Variants in OPTN observed in about 807,000 individuals in gnomAD.
The protein encoded by OPTN is optineurin.
In OPTN, 54 loss-of-function variants were observed where a neutral mutation model predicts 70.4. The ratio of observed to expected loss-of-function variants is 0.77; its 90% confidence interval spans 0.62 to 0.96. The LOEUF (loss-of-function observed/expected upper bound fraction) is 0.96, where lower values mean the gene tolerates loss of function less well. Among genes scored for constraint, OPTN ranks in the 40% least tolerant of loss-of-function variants. OPTN has a pLI of 0.00. For missense variants in OPTN, 624 were observed against 673.2 expected (o/e 0.93, Z 0.81); for synonymous variants, 256 against 248.5 (o/e 1.03, Z -0.28).
At position 13,117,602 on chromosome 10, in the gene OPTN, C is replaced by T. The variant is rs556831053; in HGVS notation, c.626+1262C>T. 2.1e-3 allele frequency among the ~76,000 whole-genome samples: 316 copies of T among 151,986 alleles called. 3 individuals are homozygous for T. The highest frequency in any genetic ancestry group is 1.5e-3 in the Non-Finnish European group (103 of 67,980). On this transcript the variant is annotated intron_variant, in intron 6 of 14. Transcript: ENST00000378747. ...CTGGGAATACAGGTGGCCGCCACCA[C>T]GCCCAGCTAACTTTTTGTGTTTTTA...
chr10:13,122,603 T>TA lies in OPTN; in HGVS notation c.882+117dup. The TA allele has an allele frequency of 5.4e-6, 4 of 741,824 alleles. No homozygotes were observed. In the South Asian group the frequency reaches 5.8e-5, roughly 11 times the overall value. The allele number at this position is 741,824 out of a possible 1,614,324, so 46.0% of individuals were successfully genotyped here. ...TTTAGAAATATAGAAATCATGTTGATATTGAATATTATCTATCTATTCCTT... is the reference window on the plus strand; with the variant it reads ...TTTAGAAATATAGAAATCATGTTGATAATTGAATATTATCTATCTATTCCTT... On this transcript the variant is annotated intron_variant, in intron 8 of 14. Transcript: ENST00000378747.
At chr10:13,109,617 G>T in intron 3 of OPTN, 1 of 298,768 alleles carries the variant, frequency 3.3e-6, no homozygotes, top group Non-Finnish European at 6.4e-6. Context: ...CTTGAGTACA[G>T]GAGTTCAAGA....
intron 1 of OPTN, among the ~76,000 whole-genome samples, chr10:13,103,534 T>A (rs1024819849): frequency 6.6e-6 from 1 of 152,328 alleles, no homozygotes; most frequent in Non-Finnish European, 1.5e-5. Flanking sequence ...CTAAGGTCAC[T>A]GCACTCGTGC....
Position 13,124,036 on chromosome 10 carries a change from T to G in OPTN, c.924T>G (p.Ser308=), listed in dbSNP as rs779638416. The G allele has an allele frequency of 1.4e-5, 23 of 1,613,860 alleles. No homozygotes were observed. In the South Asian group the frequency reaches 2.4e-4, roughly 17 times the overall value. The change falls in exon 9 of 15, where the codon TCT becomes TCG. Residue 308 remains serine (S), a synonymous_variant. Transcript: ENST00000378747. ...EVEALNLQVT[S]LFKELQEAHT... ...AAGCACTGAACCTCCAGGTGACATCTCTGTTTAAGGAGCTTCAAGAGGCTC... is the reference window on the plus strand; with the variant it reads ...AAGCACTGAACCTCCAGGTGACATCGCTGTTTAAGGAGCTTCAAGAGGCTC...
intron 9 of OPTN, 152 bp from the exon 10 acceptor site, chr10:13,125,266 G>A (rs1367192292): frequency 1.2e-6 from 1 of 804,994 alleles, no homozygotes; most frequent in East Asian, 2.7e-5. Flanking sequence ...CAGGTCTAGT[G>A]AAGAAGCAAG....
intron 12 of OPTN, among the ~76,000 whole-genome samples, chr10:13,128,127 G>C (rs1278596267): frequency 6.6e-6 from 1 of 152,190 alleles, no homozygotes; most frequent in Non-Finnish European, 1.5e-5. Context: ...GTGGCATTAT[G>C]ATTAACGTTG....
upstream of OPTN, chr10:13,100,122 T>G (rs1286604835): frequency 1.3e-5 from 2 of 152,538 alleles, no homozygotes; most frequent in Non-Finnish European, 2.9e-5. Flanking sequence ...TGAGCCGCGC[T>G]GGGCGGGGTC....
At position 13,132,119 on chromosome 10, in the gene OPTN, T is replaced by C. The variant is rs1364442540; in HGVS notation, c.1454T>C (p.Ile485Thr). The C allele has an allele frequency of 1.2e-6, 2 of 1,613,322 alleles. No homozygotes were observed. Among genetic ancestry groups the C allele is most frequent in the African/African-American group, 2.7e-5 (2 of 74,806 alleles). Residue 485 changes from isoleucine (I) to threonine (T), a missense_variant, in exon 13 of 15, where the codon ATT (isoleucine) becomes ACT (threonine). Ile to Thr is a moderately conservative substitution (Grantham distance 89, BLOSUM62 -1). Transcript: ENST00000378747. ...GCTGAAAGAGCAGCGAGAGAGAAAA[T>C]TCATGAGGAAAAGGAGCAACTGGCA... ...FHAERAAREK[I>T]HEEKEQLALQ...
chr10:13,128,612 G>T (rs775639740), intron 12 of OPTN, among the ~76,000 whole-genome samples: 1 of 141,104 alleles, frequency 7.1e-6, no homozygotes, highest in African/African-American at 2.7e-5. Context: ...GTATGATCTC[G>T]GCTCATTGCA....
At chr10:13,103,240 C>T (rs557891455) in intron 1 of OPTN, among the ~76,000 whole-genome samples, 1 of 152,108 alleles carries the variant, frequency 6.6e-6, no homozygotes, top group Non-Finnish European at 1.5e-5. Flanking sequence ...GAATCTTACC[C>T]CCCTTGTGAA....
chr10:13,104,650 A>T (rs560346564), intron 1 of OPTN: 1 of 690,092 alleles, frequency 1.4e-6, no homozygotes, highest in African/African-American at 1.8e-5. Context: ...GTTGCCCACT[A>T]GTCGCCATCT....
intron 4 of OPTN, among the ~76,000 whole-genome samples, chr10:13,111,721 C>G (rs1204473911): frequency 4.0e-5 from 6 of 151,802 alleles, no homozygotes; most frequent in Non-Finnish European, 4.4e-5. Flanking sequence ...CAGGTAAAAG[C>G]TGAAATTTTC....
chr10:13,110,472 C>G lies in OPTN; in HGVS notation c.365C>G (p.Ser122Cys), dbSNP rs754013605. The G allele has an allele frequency of 6.2e-7, 1 of 1,612,066 alleles. No individual in the cohort carries two copies. The highest frequency in any genetic ancestry group is 8.5e-7 in the Non-Finnish European group (1 of 1,179,254). Residue 122 changes from serine to cysteine, a missense_variant, in exon 4 of 15, where the codon TCT becomes TGT. Ser to Cys is a moderately radical substitution (Grantham distance 112). Transcript: ENST00000378747. ...CTAAAAGGGAAATCAGAAAGGTCATCTGAGGTGAGCAGACCGATCCATTGT... is the reference window on the plus strand; with the variant it reads ...CTAAAAGGGAAATCAGAAAGGTCATGTGAGGTGAGCAGACCGATCCATTGT... ...GKLKGKSERS[S>C]EDPTDDSRLP...
intron 9 of OPTN, among the ~76,000 whole-genome samples, 163 bp from the exon 10 acceptor site, chr10:13,125,255 C>T (rs1833433319): frequency 6.6e-6 from 1 of 152,082 alleles, no homozygotes; most frequent in Non-Finnish European, 1.5e-5. Context: ...AGAAATATGG[C>T]CAGGTCTAGT....
At chr10:13,117,400 C>A (rs574999182) in intron 6 of OPTN, among the ~76,000 whole-genome samples, 2 of 144,052 alleles carry the variant, frequency 1.4e-5, no homozygotes, top group Admixed American at 1.4e-4. Flanking sequence ...ATCTCACAGA[C>A]GGATAAGAGA....
chr10:13,119,344 A>G (rs971499159), intron 7 of OPTN, among the ~76,000 whole-genome samples: 3 of 152,206 alleles, frequency 2.0e-5, no homozygotes, highest in East Asian at 1.9e-4. Flanking sequence ...TTCACGTAGC[A>G]TAATGTTTTT....
rs1191356798 is a variant in OPTN, at chr10:13,137,207, A to G, written c.*341A>G. 2 of 410,480 alleles carry G rather than the reference A, an allele frequency of 4.9e-6. No individual in the cohort carries two copies. Among genetic ancestry groups the G allele is most frequent in the Non-Finnish European group, 9.2e-6 (2 of 216,362 alleles). 25.4% of individuals were successfully genotyped at this position (410,480 alleles called of 1,614,324 possible). On this transcript the variant is annotated 3_prime_UTR_variant, in exon 15 of 15. Transcript: ENST00000378747. Reference sequence around the variant, plus strand: ...GGCAGGAGAATTGCTTGAACCCAGGAAGTGGCAGTTGCAGTGAGCCGAGAC... The same window carrying G: ...GGCAGGAGAATTGCTTGAACCCAGGGAGTGGCAGTTGCAGTGAGCCGAGAC...
rs148857878 is a variant in OPTN at position 13,116,284 on chromosome 10, G to T, written c.570G>T (p.Gly190=). 13 of 1,611,526 alleles carry T rather than the reference G, an allele frequency of 8.1e-6. No homozygotes were observed. Among genetic ancestry groups the T allele is most frequent in the Non-Finnish European group, 8.5e-7 (1 of 1,177,674 alleles). ...EIRMAEGEAE[G]SVKEIKHSPG... is the part of the protein sequence containing the mutation. ...TTTCACAGGAAGGAGAAGCAGAAGG[G>T]TCAGTAAAAGAAATCAAGCATAGTC... Residue 190 remains glycine (G), a synonymous_variant, in exon 6 of 15, where the codon GGG becomes GGT. Transcript: ENST00000378747.
intron 7 of OPTN, 130 bp from the exon 8 acceptor site, chr10:13,122,255 T>C (rs1175069630): frequency 2.9e-6 from 2 of 700,392 alleles, no homozygotes; most frequent in African/African-American, 1.8e-5. Flanking sequence ...AGTGAATGTG[T>C]AGAGATTTTG....
Sources: allele counts gnomAD v4.1 joint callset (sites outside exome capture counted in the v4.1 genomes callset), GRCh38; gene constraint gnomAD v4.1.1; transcripts MANE v1.5; gene names NCBI Gene and HGNC (gene_info 2026-07-23, HGNC 2026-07-21).